Variants in DST observed in about 807,000 individuals in gnomAD.
DST encodes the protein bullous pemphigoid antigen.
In DST, 253 loss-of-function variants were observed where a neutral mutation model predicts 875.2. That is an observed-to-expected ratio of 0.29 (90% CI 0.26 to 0.32). The LOEUF is 0.32. Among genes scored for constraint, DST ranks in the 10% least tolerant of loss-of-function variants. The pLI, the probability that DST is intolerant of heterozygous loss-of-function variation, is 1.00. For synonymous variants in DST, 3,124 were observed against 3,197.1 expected, an observed-to-expected ratio of 0.98 and a Z score of 0.77; for missense variants, 8,287 against 9,111.6, an observed-to-expected ratio of 0.91 and a Z score of 3.68.
chr6:56,659,979 G>T (rs548830257), intron 10 of DST, among the ~76,000 whole-genome samples: 2 of 152,162 alleles, frequency 1.3e-5, no homozygotes, highest in African/African-American at 4.8e-5. Context: ...AGATAGGTTT[G>T]TGTCTTTGGT....
chr6:56,600,332 T>C lies in DST; in HGVS notation c.11542-111A>G, dbSNP rs572372036. 11 of 1,025,784 alleles carry C rather than the reference T, an allele frequency of 1.1e-5. No individual in the cohort carries two copies. In the East Asian group the frequency reaches 2.4e-4, roughly 22 times the overall value. The allele number at this position is 1,025,784 out of a possible 1,614,324, so 63.5% of individuals were successfully genotyped here. ...CCAAGTTTTGTCTAATAAGCTTTTA[T>C]AAGTATGCTGTAAACATGATAGCAG... On this transcript the variant is annotated intron_variant, in intron 44 of 103. Transcript: ENST00000680361.
At chr6:56,941,058 T>G (rs1421482535) in intron 2 of DST, among the ~76,000 whole-genome samples, 1 of 152,158 alleles carries the variant, frequency 6.6e-6, no homozygotes, top group South Asian at 2.1e-4. Flanking sequence ...CTTTATTATG[T>G]CCTTCTTTCT....
chr6:56,726,731 C>T (rs2152920341), intron 5 of DST, among the ~76,000 whole-genome samples: 1 of 152,306 alleles, frequency 6.6e-6, no homozygotes, highest in South Asian at 2.1e-4. Context: ...TATCTCACTC[C>T]TACCAAAGCA....
At chr6:56,495,681 T>C (rs2152447579) in intron 82 of DST, among the ~76,000 whole-genome samples, 2 of 152,166 alleles carry the variant, frequency 1.3e-5, no homozygotes, top group East Asian at 3.9e-4. Flanking sequence ...TCTATTACTT[T>C]TCCAGTGAAA....
rs189491628 is a variant in DST at position 56,840,449 on chromosome 6, G to A, written c.625+10948C>T. On this transcript the variant is annotated intron_variant, in intron 4 of 103. Coordinates refer to ENST00000680361, the MANE Select transcript of DST (RefSeq NM_001374736.1). ...CAAAAATAAATGCCTTTATTCAGCC[G>A]AAGTTTGGTATCAGCTGAAGAAATA... 1.5e-3 allele frequency among the ~76,000 whole-genome samples: 234 copies of A among 152,174 alleles called. 1 individual carries two copies. Among genetic ancestry groups the A allele is most frequent in the Middle Eastern group, 3.4e-3 (1 of 294 alleles).
chr6:56,890,174 C>T (rs1786688097), intron 3 of DST, among the ~76,000 whole-genome samples: 1 of 150,506 alleles, frequency 6.6e-6, no homozygotes, highest in Non-Finnish European at 1.5e-5. Flanking sequence ...AGCTGTATGA[C>T]CTTGACACAT....
chr6:56,679,916 C>T (rs2099149140), intron 9 of DST, among the ~76,000 whole-genome samples: 1 of 152,146 alleles, frequency 6.6e-6, no homozygotes, highest in African/African-American at 2.4e-5. Context: ...TCCTGCTACC[C>T]ACAAACTTTG....
Position 56,604,451 on chromosome 6 carries a change from T to A in DST, c.10177A>T (p.Ile3393Phe), listed in dbSNP as rs188636867. The change falls in exon 40 of 104, where the codon ATT becomes TTT. Residue 3393 changes from isoleucine to phenylalanine, a missense_variant. Ile to Phe is a conservative substitution (Grantham distance 21). This residue lies in a region of DST where 3,138 missense variants were observed against 3,116.6 expected (regional missense o/e 1.01). Coordinates refer to ENST00000680361, the MANE Select transcript of DST (RefSeq NM_001374736.1). The stretch of plus-strand genomic sequence containing the variant: ...TCATTTACCAACTGTGATGTGGTAA[T>A]CCTTTTAATTAAATTTTGAATTAAA... ...KILIQNLIKR[I>F]TTSQLVNEAS... The A allele has an allele frequency of 3.1e-6, 5 of 1,609,558 alleles. No individual in the cohort carries two copies. The highest frequency in any genetic ancestry group is 3.4e-6 in the Non-Finnish European group (4 of 1,177,336).
At chr6:56,937,271 T>C (rs1234247338) in intron 2 of DST, among the ~76,000 whole-genome samples, 5 of 152,134 alleles carry the variant, frequency 3.3e-5, no homozygotes, top group Admixed American at 3.3e-4. Flanking sequence ...GCAAACTATG[T>C]ATCTATTAAA....
At chr6:56,506,591 T>C in intron 76 of DST, 47 bp from the exon 77 acceptor site, 2 of 1,607,896 alleles carry the variant, frequency 1.2e-6, no homozygotes, top group South Asian at 1.1e-5. Context: ...TTTTAAACTT[T>C]CAACTACTGT....
At chr6:56,763,380 T>C (rs528531874) in intron 4 of DST, among the ~76,000 whole-genome samples, 19 of 152,136 alleles carry the variant, frequency 1.2e-4, no homozygotes, top group South Asian at 6.2e-4. Flanking sequence ...AATTTAAAAA[T>C]ATAGGGATGG....
intron 5 of DST, among the ~76,000 whole-genome samples, chr6:56,705,803 A>G (rs1238147337): frequency 6.6e-6 from 1 of 152,228 alleles, no homozygotes; most frequent in Non-Finnish European, 1.5e-5. Context: ...TGTCAATAGT[A>G]CCTTTGAAAT....
intron 2 of DST, among the ~76,000 whole-genome samples, chr6:56,912,168 C>T (rs976901040): frequency 1.3e-5 from 2 of 152,102 alleles, no homozygotes; most frequent in African/African-American, 4.8e-5. Flanking sequence ...CAGTGCAGCC[C>T]TTTCTGCTCA....
intron 90 of DST, among the ~76,000 whole-genome samples, chr6:56,478,014 G>A (rs1159572135): frequency 6.6e-6 from 1 of 151,842 alleles, no homozygotes; most frequent in Non-Finnish European, 1.5e-5. Flanking sequence ...GATACAGAGG[G>A]CCAACTTTAT....
intron 9 of DST, among the ~76,000 whole-genome samples, chr6:56,677,345 T>C (rs957062198): frequency 1.3e-5 from 2 of 151,732 alleles, no homozygotes; most frequent in South Asian, 2.1e-4. Context: ...TGAGATGGGG[T>C]CTCACTCTGT....
chr6:56,740,413 A>T (rs1283471281), intron 4 of DST, among the ~76,000 whole-genome samples: 2 of 152,194 alleles, frequency 1.3e-5, no homozygotes, highest in African/African-American at 4.8e-5. Context: ...CTCACCATGT[A>T]TGCAAGCACA....
intron 4 of DST, among the ~76,000 whole-genome samples, chr6:56,844,333 A>G (rs1240137996): frequency 6.6e-6 from 1 of 152,140 alleles, no homozygotes; most frequent in Non-Finnish European, 1.5e-5. Context: ...TGCCCCCCAG[A>G]GCCCACAGGC....
At chr6:56,809,549 A>G (rs1039487901) in intron 4 of DST, among the ~76,000 whole-genome samples, 1 of 152,224 alleles carries the variant, frequency 6.6e-6, no homozygotes, top group Admixed American at 6.5e-5. Context: ...CCTGCAATAT[A>G]CTATCTCTCA....
chr6:56,467,824 A>T (rs796166997), intron 98 of DST, among the ~76,000 whole-genome samples: 5 of 152,310 alleles, frequency 3.3e-5, no homozygotes, highest in African/African-American at 1.2e-4. Context: ...GACAAGAGAA[A>T]ATAGACTAAT....
Sources: allele counts gnomAD v4.1 joint callset (sites outside exome capture counted in the v4.1 genomes callset), GRCh38; gene constraint gnomAD v4.1.1; regional missense constraint gnomAD v4.1.1; transcripts MANE v1.5; gene names NCBI Gene and HGNC (gene_info 2026-07-23, HGNC 2026-07-21).